Variants in P4HTM observed in about 807,000 individuals in gnomAD.
P4HTM encodes transmembrane prolyl 4-hydroxylase.
Under a neutral mutation model 55.3 loss-of-function variants are expected in P4HTM, and 33 were observed. That is an observed-to-expected ratio of 0.60 (90% CI 0.45 to 0.80). The LOEUF (loss-of-function observed/expected upper bound fraction) is 0.80. Among genes scored for constraint, P4HTM ranks in the 30% least tolerant of loss-of-function variants. P4HTM has a pLI of 0.00. For missense variants in P4HTM, 542 were observed against 696.5 expected, an observed-to-expected ratio of 0.78 and a Z score of 2.50; for synonymous variants, 272 against 286.4, an observed-to-expected ratio of 0.95 and a Z score of 0.51.
chr3:49,005,566 G>A, intron 6 of P4HTM: 1 of 1,377,930 alleles, frequency 7.3e-7, no homozygotes, highest in South Asian at 2.0e-5. Flanking sequence ...CTGTGATCTT[G>A]GCCAAAAAAC....
intron 2 of P4HTM, 156 bp downstream of exon 2, chr3:48,991,070 A>C: frequency 1.6e-6 from 1 of 620,428 alleles, no homozygotes; most frequent in East Asian, 2.8e-5. Context: ...CCCGTCCTCG[A>C]AATAGGGTAA....
intron 6 of P4HTM, 63 bp downstream of exon 6, chr3:49,005,109 C>A (rs757270812): frequency 1.9e-6 from 3 of 1,613,322 alleles, no homozygotes; most frequent in South Asian, 2.2e-5. Context: ...ATGACACAGG[C>A]ACAGCCCTGC....
chr3:49,005,409 C>G lies in P4HTM; in HGVS notation c.1073+363C>G, dbSNP rs192101029. 3.6e-5 allele frequency: 51 copies of G among 1,402,440 alleles called. No individual in the cohort carries two copies. In the Admixed American group the frequency reaches 1.3e-3, roughly 35 times the overall value. 86.9% of individuals were successfully genotyped at this position (1,402,440 alleles called of 1,614,324 possible). A position where few individuals can be genotyped will look rare whatever the true frequency, so the allele number is the denominator to read the frequency against. ...CTGAAGCTGTGCCTCCCTCCCCTGT[C>G]AAGCCAGTTCTTTCCTCTTCAGGTG... On this transcript the variant is annotated intron_variant, in intron 6 of 8. Transcript: ENST00000383729.
chr3:49,001,830 G>T (rs2092962103), intron 3 of P4HTM, among the ~76,000 whole-genome samples: 1 of 152,250 alleles, frequency 6.6e-6, no homozygotes, highest in Non-Finnish European at 1.5e-5. Context: ...GATGGCAGGA[G>T]AATCCACCTG....
intron 2 of P4HTM, among the ~76,000 whole-genome samples, chr3:48,994,757 C>T (rs769001399): frequency 5.3e-5 from 8 of 152,104 alleles, no homozygotes; most frequent in Non-Finnish European, 8.8e-5. Flanking sequence ...TCTGTCATAG[C>T]AGATCAGATC....
At position 49,004,138 on chromosome 3, in the gene P4HTM, G is replaced by T. The variant is rs1036831017; in HGVS notation, c.765G>T (p.Arg255=). Residue 255 remains arginine, a synonymous_variant, in exon 5 of 9, where the codon CGG becomes CGT. Coordinates refer to ENST00000383729, the MANE Select transcript of P4HTM (RefSeq NM_177939.3). ...AGGAGTTCTCCAACATGGACCTTCG[G>T]GACTTCCACAAGTACATGAGGAGCC... The part of the protein sequence containing the change: ...SLQEFSNMDL[R]DFHKYMRSHK... 3.2e-6 allele frequency: 5 copies of T among 1,554,224 alleles called. No homozygotes were observed. The highest frequency in any genetic ancestry group is 3.5e-6 in the Non-Finnish European group (4 of 1,149,298).
At position 48,990,624 on chromosome 3, in the gene P4HTM, T is replaced by C; in HGVS notation, c.354+14T>C. On this transcript the variant is annotated intron_variant, in intron 1 of 8. Coordinates refer to ENST00000383729, the MANE Select transcript of P4HTM (RefSeq NM_177939.3). The surrounding 1 kb of genome is among the most constrained non-coding windows in gnomAD (Gnocchi z 7.2). ...GAGGGCATCAAGGTGAGGACCTCCC[T>C]GCCCCGCCGCGCTCCAGGCCCTGCA... 6.5e-7 allele frequency: 1 copy of C among 1,537,608 alleles called. No homozygotes were observed. The highest frequency in any genetic ancestry group is 1.4e-5 in the African/African-American group (1 of 72,590).
rs2106658922 is a variant in P4HTM at position 48,999,871 on chromosome 3, T to C, written c.437-1567T>C. The C allele has an allele frequency of 6.6e-6, 1 of 152,384 alleles. No individual in the cohort carries two copies. Among genetic ancestry groups the C allele is most frequent in the Middle Eastern group, 3.4e-3 (1 of 294 alleles). The allele number at this position is 152,384 out of a possible 1,614,324, so 9.4% of individuals were successfully genotyped here. ...GCAATCAAGAGGTGACTCTGTTGATTTGCAATTTGATCTAATCCATTGTTC... is the reference window on the plus strand; with the variant it reads ...GCAATCAAGAGGTGACTCTGTTGATCTGCAATTTGATCTAATCCATTGTTC... On this transcript the variant is annotated intron_variant, in intron 2 of 8. Transcript: ENST00000383729. This position sits in a 1 kb window ranked among gnomAD's most constrained non-coding sequence, Gnocchi z 4.8.
At chr3:48,998,137 G>A (rs897379238) in intron 2 of P4HTM, 2 of 152,328 alleles carry the variant, frequency 1.3e-5, no homozygotes, top group African/African-American at 4.8e-5. Flanking sequence ...TGATTTGAAA[G>A]GGGTGGGGCC....
At chr3:49,005,419 C>T (rs933196569) in intron 6 of P4HTM, 49 of 1,398,478 alleles carry the variant, frequency 3.5e-5, no homozygotes, top group Non-Finnish European at 4.3e-5. Flanking sequence ...CAAGCCAGTT[C>T]TTTCCTCTTC....
Position 49,004,162 on chromosome 3 carries a change from C to T in P4HTM, c.789C>T (p.Ser263=). The T allele has an allele frequency of 6.4e-7, 1 of 1,551,474 alleles. No individual in the cohort carries two copies. The highest frequency in any genetic ancestry group is 1.2e-5 in the South Asian group (1 of 84,070). The change falls in exon 5 of 9, where the codon AGC becomes AGT. Residue 263 remains serine, a synonymous_variant. Transcript: ENST00000383729. The part of the protein sequence containing the change: ...DLRDFHKYMR[S]HKAESSELVR... ...GGGACTTCCACAAGTACATGAGGAG[C>T]CACAAGGCAGAGTCCAGTGAGCTGG...
intron 2 of P4HTM, among the ~76,000 whole-genome samples, chr3:48,998,605 C>T (rs1055155397): frequency 6.6e-6 from 1 of 152,204 alleles, no homozygotes; most frequent in Admixed American, 6.5e-5. Context: ...CCTCTCCCTC[C>T]GGCTCTGTGG....
chr3:48,990,120 C>T (rs1260009476), upstream of P4HTM: 2 of 843,120 alleles, frequency 2.4e-6, no homozygotes, highest in South Asian at 5.6e-5. This position sits in a 1 kb window ranked among gnomAD's most constrained non-coding sequence, Gnocchi z 7.2. Flanking sequence ...CAGGCGGCTC[C>T]GGGCGGGCTC....
Position 48,990,632 on chromosome 3 carries a change from C to G in P4HTM, c.354+22C>G. ...CAAGGTGAGGACCTCCCTGCCCCGCCGCGCTCCAGGCCCTGCACGGCTGAG... is the reference window on the plus strand; with the variant it reads ...CAAGGTGAGGACCTCCCTGCCCCGCGGCGCTCCAGGCCCTGCACGGCTGAG... On this transcript the variant is annotated intron_variant, in intron 1 of 8. Transcript: ENST00000383729. This position sits in a 1 kb window ranked among gnomAD's most constrained non-coding sequence, Gnocchi z 7.2. 6.5e-7 allele frequency: 1 copy of G among 1,533,762 alleles called. No individual in the cohort carries two copies. Among genetic ancestry groups the G allele is most frequent in the South Asian group, 1.2e-5 (1 of 82,760 alleles).
Position 49,004,126 on chromosome 3 carries a change from C to A in P4HTM, c.753C>A (p.Asn251Lys). Reference sequence around the variant, plus strand: ...TGCTGAGTCTGCAGGAGTTCTCCAACATGGACCTTCGGGACTTCCACAAGT... The same window carrying A: ...TGCTGAGTCTGCAGGAGTTCTCCAAAATGGACCTTCGGGACTTCCACAAGT... ...DGVLSLQEFS[N>K]MDLRDFHKYM... The change falls in exon 5 of 9, where the codon AAC becomes AAA. Residue 251 changes from asparagine (N) to lysine (K), a missense_variant. Physicochemically the swap from Asn to Lys is moderately conservative, Grantham distance 94. This residue lies in a region of P4HTM where 536 missense variants were observed against 672.1 expected (regional missense o/e 0.80). Transcript: ENST00000383729. 6.4e-7 allele frequency: 1 copy of A among 1,556,092 alleles called. No individual in the cohort carries two copies. Among genetic ancestry groups the A allele is most frequent in the Non-Finnish European group, 8.7e-7 (1 of 1,150,240 alleles).
chr3:48,994,578 T>G, intron 2 of P4HTM, among the ~76,000 whole-genome samples: 1 of 152,160 alleles, frequency 6.6e-6, no homozygotes, highest in East Asian at 1.9e-4. Context: ...GGTAGGTCAT[T>G]TTCCCTTGGT....
chr3:49,005,766 CT>C lies in P4HTM; in HGVS notation c.1074-10del, dbSNP rs750631917. ...ACTGGGGACCTGCTCAGTGCCCCCC[CT>C]GCCTTACAGCTACATGACAGTGCTG... On this transcript the variant is annotated splice_polypyrimidine_tract_variant and intron_variant, in intron 6 of 8. Coordinates refer to ENST00000383729, the MANE Select transcript of P4HTM (RefSeq NM_177939.3). 1.3e-5 allele frequency: 20 copies of C among 1,596,248 alleles called. No homozygotes were observed. Among genetic ancestry groups the C allele is most frequent in the African/African-American group, 8.1e-5 (6 of 74,222 alleles).
intron 2 of P4HTM, 91 bp from the exon 3 acceptor site, chr3:49,001,347 C>T (rs952923977): frequency 3.4e-6 from 4 of 1,170,792 alleles, no homozygotes; most frequent in East Asian, 2.4e-5. Context: ...GAGGGACATG[C>T]AGTACCCCAG....
intron 6 of P4HTM, 180 bp from the exon 7 acceptor site, chr3:49,005,597 G>C: frequency 2.1e-6 from 3 of 1,416,694 alleles, no homozygotes; most frequent in Non-Finnish European, 2.8e-6. Context: ...CACAGTAAGA[G>C]ACTGGGTTTC....
Sources: allele counts gnomAD v4.1 joint callset (sites outside exome capture counted in the v4.1 genomes callset), GRCh38; gene constraint gnomAD v4.1.1; regional missense constraint gnomAD v4.1.1; non-coding constraint Gnocchi (gnomAD v3.1); transcripts MANE v1.5; gene names NCBI Gene and HGNC (gene_info 2026-07-23, HGNC 2026-07-21).